SYN2: variants seen among roughly 807,000 people sequenced by gnomAD.
SYN2 encodes synapsin-2.
SYN2 carries 19 observed loss-of-function variants against 50.9 expected under a neutral mutation model. That is an observed-to-expected ratio of 0.37 (90% CI 0.26 to 0.55). The LOEUF is 0.55. SYN2 is among the 20% of genes least tolerant of loss of function. The probability of loss-of-function intolerance (pLI) is 0.81; values close to 1 mark genes in which losing one functional copy is unlikely to be tolerated. For synonymous variants in SYN2, 255 were observed against 224.9 expected, an observed-to-expected ratio of 1.13 and a Z score of -1.20; for missense variants, 587 against 576.4, an observed-to-expected ratio of 1.02 and a Z score of -0.19.
At chr3:12,011,257 GA>G (rs1221004376) in intron 1 of SYN2, among the ~76,000 whole-genome samples, 2 of 152,070 alleles carry the variant, frequency 1.3e-5, no homozygotes, top group Non-Finnish European at 2.9e-5. Context: ...TTTTTTATAA[GA>G]AAAAAATTGT....
chr3:12,123,232 T>C (rs1484259428), intron 1 of SYN2, among the ~76,000 whole-genome samples: 1 of 152,192 alleles, frequency 6.6e-6, no homozygotes, highest in Non-Finnish European at 1.5e-5. Flanking sequence ...AAGACATCAA[T>C]TGGGAAGCAC....
intron 1 of SYN2, among the ~76,000 whole-genome samples, chr3:12,025,727 T>C (rs1032226381): frequency 6.6e-6 from 1 of 152,144 alleles, no homozygotes; most frequent in East Asian, 1.9e-4. Flanking sequence ...CCCCTTCTGA[T>C]ACATAGTGCC....
intron 1 of SYN2, among the ~76,000 whole-genome samples, chr3:12,037,739 CAT>C (rs1237650721): frequency 1.3e-5 from 2 of 152,200 alleles, no homozygotes; most frequent in Admixed American, 1.3e-4. Context: ...GGTCCCACCT[CAT>C]AACACTGTTG....
intron 1 of SYN2, among the ~76,000 whole-genome samples, chr3:12,096,737 G>A (rs1185031210): frequency 6.6e-6 from 1 of 152,008 alleles, no homozygotes; most frequent in Non-Finnish European, 1.5e-5. Context: ...TCCATATATA[G>A]TAGAAGTTTT....
chr3:12,141,213 TTA>T, intron 2 of SYN2, among the ~76,000 whole-genome samples: 1 of 151,690 alleles, frequency 6.6e-6, no homozygotes, highest in South Asian at 2.1e-4. Context: ...TTTTTTTTTT[TTA>T]ACCTTCCTCC....
intron 1 of SYN2, among the ~76,000 whole-genome samples, chr3:12,099,997 C>T (rs1239465091): frequency 8.9e-6 from 1 of 111,920 alleles, no homozygotes; most frequent in Non-Finnish European, 1.8e-5. Flanking sequence ...GAAGTGCCTA[C>T]AGTGGAAACT....
chr3:12,011,242 T>C (rs772221908), intron 1 of SYN2, among the ~76,000 whole-genome samples: 2 of 152,230 alleles, frequency 1.3e-5, no homozygotes, highest in Admixed American at 1.3e-4. Context: ...GCAAGAGAAA[T>C]TGCCTTTTTT....
intron 1 of SYN2, among the ~76,000 whole-genome samples, chr3:12,086,168 T>C (rs1695697218): frequency 6.6e-6 from 1 of 151,974 alleles, no homozygotes. Context: ...TTAAGATGAA[T>C]CAAGAAGAAA....
At chr3:12,005,625 G>A (rs1395885906) in intron 1 of SYN2, among the ~76,000 whole-genome samples, 2 of 151,624 alleles carry the variant, frequency 1.3e-5, no homozygotes, top group Non-Finnish European at 2.9e-5. Flanking sequence ...GTGCGTGGTG[G>A]GGGGCGGGGC....
chr3:12,187,520 C>A lies in SYN2; in HGVS notation c.1521C>A (p.His507Gln), dbSNP rs368099866. ...APQRPGGPTT[H>Q]GDAPSSSSSL... ...AGCGGCCGGGCGGCCCCACCACCCA[C>A]GGAGATGCACCCTCCAGCAGCAGCT... The change falls in exon 12 of 13, where the codon CAC becomes CAA. Residue 507 changes from histidine to glutamine, a missense_variant. Coordinates refer to ENST00000621198, the MANE Select transcript of SYN2 (RefSeq NM_133625.6). The A allele has an allele frequency of 6.4e-7, 1 of 1,552,730 alleles. No individual in the cohort carries two copies. Among genetic ancestry groups the A allele is most frequent in the Non-Finnish European group, 8.7e-7 (1 of 1,147,398 alleles).
intron 5 of SYN2, chr3:12,153,712 T>A: frequency 6.2e-7 from 1 of 1,614,186 alleles, no homozygotes; most frequent in Non-Finnish European, 8.5e-7. Flanking sequence ...CAGGTGGTGA[T>A]CTAGAGTCAT....
In SYN2 at chr3:12,162,167, G is replaced by GGGGTATGT. The variant is rs750236369; in HGVS notation, c.980+14_980+21dup. Reference sequence around the variant, plus strand: ...ACAAGGCTTACATGTGAGTAAGAGTGGGGTATGTTTTCTCCTCAGTGATGA... The same window carrying GGGGTATGT: ...ACAAGGCTTACATGTGAGTAAGAGTGGGGTATGTGGGTATGTTTTCTCCTCAGTGATGA... On this transcript the variant is annotated intron_variant, in intron 7 of 12. Coordinates refer to ENST00000621198, the MANE Select transcript of SYN2 (RefSeq NM_133625.6). 6.2e-7 allele frequency: 1 copy of GGGGTATGT among 1,613,508 alleles called. No homozygotes were observed. The highest frequency in any genetic ancestry group is 1.3e-5 in the African/African-American group (1 of 74,900).
intron 1 of SYN2, among the ~76,000 whole-genome samples, chr3:12,114,638 G>T (rs116286676): frequency 6.6e-6 from 1 of 151,928 alleles, no homozygotes; most frequent in Non-Finnish European, 1.5e-5. Flanking sequence ...GAATCTAGGT[G>T]GGGGGTTCTC....
chr3:12,026,488 A>G (rs2125138677), intron 1 of SYN2, among the ~76,000 whole-genome samples: 1 of 152,258 alleles, frequency 6.6e-6, no homozygotes, highest in South Asian at 2.1e-4. Context: ...ATTTGCCTAG[A>G]ATAGGAGGCT....
At chr3:12,038,446 G>T (rs1694547842) in intron 1 of SYN2, among the ~76,000 whole-genome samples, 1 of 152,020 alleles carries the variant, frequency 6.6e-6, no homozygotes, top group African/African-American at 2.4e-5. Flanking sequence ...GGATCAACTT[G>T]TGAATTTCTG....
At chr3:12,117,903 G>A (rs1439556198) in intron 1 of SYN2, among the ~76,000 whole-genome samples, 1 of 152,190 alleles carries the variant, frequency 6.6e-6, no homozygotes, top group Non-Finnish European at 1.5e-5. Context: ...TTAGTCTTGA[G>A]TCTGAGTTCC....
chr3:12,080,955 A>T (rs1234097755), intron 1 of SYN2, among the ~76,000 whole-genome samples: 2 of 152,198 alleles, frequency 1.3e-5, no homozygotes, highest in Non-Finnish European at 2.9e-5. Context: ...AAGTGTTAAC[A>T]ATCTGAAGGC....
chr3:12,040,432 T>TC (rs1457541050), intron 1 of SYN2, among the ~76,000 whole-genome samples: 1 of 19,030 alleles, frequency 5.3e-5, no homozygotes, highest in Non-Finnish European at 3.2e-4. Flanking sequence ...TTCTGTTTCT[T>TC]TTTTTTTTTT....
intron 1 of SYN2, among the ~76,000 whole-genome samples, chr3:12,034,622 T>G (rs1347766284): frequency 6.6e-6 from 1 of 152,178 alleles, no homozygotes; most frequent in Non-Finnish European, 1.5e-5. Context: ...GACATGGCAT[T>G]ACATTGCACA....
Sources: gnomAD v4.1 joint callset for allele counts (sites outside exome capture counted in the v4.1 genomes callset) on GRCh38, gnomAD v4.1.1 for gene constraint, MANE v1.5 for transcripts, NCBI Gene and HGNC (gene_info 2026-07-23, HGNC 2026-07-21) for gene names.